Variants in CLRN1 observed in about 807,000 individuals in gnomAD.
CLRN1 encodes clarin 1.
In CLRN1, 15 loss-of-function variants were observed where a neutral mutation model predicts 18.7. The observed-to-expected ratio is 0.80, with a 90% CI of 0.54 to 1.23. The LOEUF is 1.23. Among genes scored for constraint, CLRN1 ranks in the 50% most tolerant of loss-of-function variants. CLRN1 has a pLI of 0.00. For missense variants in CLRN1, 311 were observed against 277.5 expected, an observed-to-expected ratio of 1.12 and a Z score of -0.86; for synonymous variants, 104 against 102.9, an observed-to-expected ratio of 1.01 and a Z score of -0.07.
intron 1 of CLRN1, among the ~76,000 whole-genome samples, chr3:150,962,631 A>G (rs945398870): frequency 3.9e-5 from 6 of 152,166 alleles, no homozygotes; most frequent in African/African-American, 1.4e-4. Context: ...CATTTTGTTA[A>G]TTGCTGTGGT....
At chr3:150,940,486 GC>G in intron 2 of CLRN1, 1 of 1,534,908 alleles carries the variant, frequency 6.5e-7, no homozygotes, top group Non-Finnish European at 8.7e-7. Context: ...AGTACCTTGA[GC>G]CTGGTGCCTG....
Position 150,926,753 on chromosome 3 carries a change from T to C in CLRN1, c.*1183A>G. 6.2e-7 allele frequency: 1 copy of C among 1,602,802 alleles called. No homozygotes were observed. The highest frequency in any genetic ancestry group is 8.5e-7 in the Non-Finnish European group (1 of 1,170,628). ...GCTGCTGAGTACTCAGCACCTGTGG[T>C]CAGAGGCCTAGTGATCTGTTTGCTG... On this transcript the variant is annotated 3_prime_UTR_variant, in exon 3 of 3. Coordinates refer to ENST00000327047, the MANE Select transcript of CLRN1 (RefSeq NM_174878.3).
At chr3:150,934,021 T>C (rs1358567586) in intron 2 of CLRN1, among the ~76,000 whole-genome samples, 3 of 152,204 alleles carry the variant, frequency 2.0e-5, no homozygotes, top group South Asian at 2.1e-4. Context: ...CTCTGCGGCT[T>C]TGATGACTGG....
intron 1 of CLRN1, among the ~76,000 whole-genome samples, chr3:150,967,623 G>T (rs1715326642): frequency 6.6e-6 from 1 of 152,124 alleles, no homozygotes; most frequent in Non-Finnish European, 1.5e-5. Flanking sequence ...AGACCATAGG[G>T]GGAAACACAG....
chr3:150,937,154 A>T (rs2045080374), intron 2 of CLRN1, among the ~76,000 whole-genome samples: 1 of 152,182 alleles, frequency 6.6e-6, no homozygotes, highest in African/African-American at 2.4e-5. Context: ...GAAAGGCAAT[A>T]CTATTGTATA....
chr3:150,965,722 C>T (rs1715231618), intron 1 of CLRN1, among the ~76,000 whole-genome samples: 2 of 152,138 alleles, frequency 1.3e-5, no homozygotes, highest in Admixed American at 6.5e-5. Context: ...TCTTCCTCTC[C>T]CAGGTATGCT....
At chr3:150,933,349 A>G (rs1028955652) in intron 2 of CLRN1, among the ~76,000 whole-genome samples, 5 of 152,108 alleles carry the variant, frequency 3.3e-5, no homozygotes, top group African/African-American at 1.2e-4. Flanking sequence ...TATTAAGGAG[A>G]ATAAAATAAA....
intron 1 of CLRN1, among the ~76,000 whole-genome samples, chr3:150,955,933 C>G (rs182579693): frequency 6.6e-6 from 1 of 152,198 alleles, no homozygotes; most frequent in African/African-American, 2.4e-5. Context: ...TATTTTTGTT[C>G]CTTTGAAATC....
Position 150,933,206 on chromosome 3 carries a change from TG to T in CLRN1, c.434-5006del, listed in dbSNP as rs1463805601. 1.1e-4 allele frequency among the ~76,000 whole-genome samples: 17 copies of T among 152,314 alleles called. No individual in the cohort carries two copies. The East Asian group carries it at 3.3e-3, about 29-fold the overall frequency. On this transcript the variant is annotated intron_variant, in intron 2 of 2. Transcript: ENST00000327047. ...GTGCCTGTTGCGCTGTTGTGGGAAC[TG>T]GGGGTACAGCACTAAATGAAACAGG...
intron 1 of CLRN1, among the ~76,000 whole-genome samples, chr3:150,946,892 C>G (rs1002657185): frequency 8.9e-6 from 1 of 112,036 alleles, no homozygotes; most frequent in Non-Finnish European, 1.8e-5. Flanking sequence ...TGCTATCCCT[C>G]CCCCCTCCCC....
intron 1 of CLRN1, among the ~76,000 whole-genome samples, chr3:150,949,225 A>G (rs918451575): frequency 6.6e-5 from 10 of 152,242 alleles, no homozygotes; most frequent in Admixed American, 2.6e-4. Flanking sequence ...AATAATAGCC[A>G]TATATGACAA....
chr3:150,930,511 A>G (rs1576624892), intron 2 of CLRN1, among the ~76,000 whole-genome samples: 1 of 152,320 alleles, frequency 6.6e-6, no homozygotes, highest in African/African-American at 2.4e-5. Context: ...TCAGAGTGGT[A>G]GCTGAGAATA....
intron 1 of CLRN1, among the ~76,000 whole-genome samples, chr3:150,966,903 G>T (rs1341506129): frequency 6.6e-6 from 1 of 152,192 alleles, no homozygotes; most frequent in African/African-American, 2.4e-5. Context: ...AACTTGTCTA[G>T]AACAGCGAGC....
At chr3:150,966,731 T>A (rs1272254103) in intron 1 of CLRN1, among the ~76,000 whole-genome samples, 1 of 152,310 alleles carries the variant, frequency 6.6e-6, no homozygotes, top group African/African-American at 2.4e-5. Flanking sequence ...TGGATCCTGA[T>A]AAATGGTAGA....
intron 1 of CLRN1, among the ~76,000 whole-genome samples, chr3:150,948,704 G>A (rs976961863): frequency 1.4e-4 from 22 of 151,950 alleles, no homozygotes; most frequent in Non-Finnish European, 4.4e-5. Flanking sequence ...TCTATTTAGG[G>A]AATCAGTAAT....
chr3:150,945,738 T>C, intron 1 of CLRN1: 2 of 927,870 alleles, frequency 2.2e-6, no homozygotes, highest in Admixed American at 2.7e-5. Context: ...CAATACATCA[T>C]GTTTACAAAG....
At chr3:150,961,806 G>C (rs554330773) in intron 1 of CLRN1, among the ~76,000 whole-genome samples, 1 of 152,084 alleles carries the variant, frequency 6.6e-6, no homozygotes, top group Non-Finnish European at 1.5e-5. Flanking sequence ...TCCAGTAAAA[G>C]ACATTCTCTG....
intron 1 of CLRN1, among the ~76,000 whole-genome samples, chr3:150,948,482 T>C (rs1419352885): frequency 2.8e-5 from 1 of 36,146 alleles, no homozygotes; most frequent in African/African-American, 1.4e-4. Flanking sequence ...AGACTCCGTC[T>C]CAAAAAAAAA....
At position 150,927,031 on chromosome 3, in the gene CLRN1, A is replaced by G; in HGVS notation, c.*905T>C. 7.3e-7 allele frequency: 1 copy of G among 1,368,060 alleles called. No homozygotes were observed. The highest frequency in any genetic ancestry group is 1.0e-6 in the Non-Finnish European group (1 of 988,022). The allele number at this position is 1,368,060 out of a possible 1,614,324, so 84.7% of individuals were successfully genotyped here. On this transcript the variant is annotated 3_prime_UTR_variant, in exon 3 of 3. Transcript: ENST00000327047. Reference sequence around the variant, plus strand: ...TGCATATTAGTACTCGAGACACTATAGCTAGAAAAACAGCCCCTAATAAGT... The same window carrying G: ...TGCATATTAGTACTCGAGACACTATGGCTAGAAAAACAGCCCCTAATAAGT...
Sources: allele counts gnomAD v4.1 joint callset (sites outside exome capture counted in the v4.1 genomes callset), GRCh38; gene constraint gnomAD v4.1.1; transcripts MANE v1.5; gene names NCBI Gene and HGNC (gene_info 2026-07-23, HGNC 2026-07-21).